The following ZFHX3 variants were observed in gnomAD, a reference collection of about 807,000 sequenced individuals.
The protein encoded by ZFHX3 is zinc finger homeobox 3.
In ZFHX3, 42 loss-of-function variants were observed where a neutral mutation model predicts 279.1. That is an observed-to-expected ratio of 0.15 (90% CI 0.12 to 0.19). ZFHX3 has a LOEUF of 0.19. Among genes scored for constraint, ZFHX3 ranks in the 10% least tolerant of loss-of-function variants. The pLI is 1.00. For missense variants in ZFHX3, 4,981 were observed against 4,754.0 expected (o/e 1.05, Z -1.40); for synonymous variants, 2,293 against 1,957.8 (o/e 1.17, Z -4.52).
intron 3 of ZFHX3, among the ~76,000 whole-genome samples, chr16:73,371,917 G>A (rs1229760111): frequency 6.6e-6 from 1 of 152,180 alleles, no homozygotes; most frequent in East Asian, 1.9e-4. Context: ...CAGTGGCTAT[G>A]AGCCCCCTTC....
Position 73,884,658 on chromosome 16 carries a change from C to T in ZFHX3, c.-1608+6993G>A, listed in dbSNP as rs537059863. Among the ~76,000 whole-genome samples, 7 of 152,178 alleles carry T rather than the reference C, an allele frequency of 4.6e-5. No homozygotes were observed. In the South Asian group the frequency reaches 6.2e-4, roughly 14 times the overall value. The stretch of plus-strand genomic sequence containing the variant: ...AGTGGTGGCTTTCAGAGTCTTTATT[C>T]GCAAAACACAGACATTCCGAAATGC... On this transcript the variant is annotated intron_variant, in intron 1 of 17. Transcript: ENST00000641206.
intron 1 of ZFHX3, among the ~76,000 whole-genome samples, chr16:73,720,623 A>G (rs1300239363): frequency 6.6e-6 from 1 of 152,190 alleles, no homozygotes; most frequent in Non-Finnish European, 1.5e-5. Context: ...ATAAGACTCT[A>G]TGGATATATT....
rs763066767 is a variant in ZFHX3 at position 72,793,532 on chromosome 16, G to C, written c.9150C>G (p.Ser3050=). ...RDHIFSQQHI[S]KVKDTIGSQL... is the part of the protein sequence containing the mutation. Reference sequence around the variant, plus strand: ...GGCTTCCAATGGTGTCTTTAACTTTGGAGATATGCTGTTGGGAAAAGATAT... The same window carrying C: ...GGCTTCCAATGGTGTCTTTAACTTTCGAGATATGCTGTTGGGAAAAGATAT... Residue 3050 remains serine, a synonymous_variant, in exon 9 of 10, where the codon TCC becomes TCG. Coordinates refer to ENST00000268489, the MANE Select transcript of ZFHX3 (RefSeq NM_006885.4). This position sits in a 1 kb window ranked among gnomAD's most constrained non-coding sequence, Gnocchi z 4.3. 2 of 1,614,168 alleles carry C rather than the reference G, an allele frequency of 1.2e-6. No individual in the cohort carries two copies. The highest frequency in any genetic ancestry group is 4.5e-5 in the East Asian group (2 of 44,880).
At chr16:73,678,392 A>T (rs1034763755) in intron 2 of ZFHX3, among the ~76,000 whole-genome samples, 1 of 152,202 alleles carries the variant, frequency 6.6e-6, no homozygotes, top group African/African-American at 2.4e-5. Context: ...ACCTTAAAGA[A>T]TATATACAAA....
intron 5 of ZFHX3, among the ~76,000 whole-genome samples, chr16:73,240,343 C>T (rs947366170): frequency 1.2e-4 from 19 of 152,056 alleles, no homozygotes; most frequent in Middle Eastern, 3.4e-3. Context: ...CTCAGCCTCC[C>T]GAGTAGCTGG....
At chr16:73,075,866 G>A (rs1262080866) in intron 8 of ZFHX3, among the ~76,000 whole-genome samples, 2 of 152,078 alleles carry the variant, frequency 1.3e-5, no homozygotes, top group East Asian at 1.9e-4. Context: ...TCCTGACCTC[G>A]TGATGCGCCT....
intron 5 of ZFHX3, among the ~76,000 whole-genome samples, chr16:73,166,955 A>ACACAC (rs1200746321): frequency 6.6e-6 from 1 of 152,202 alleles, no homozygotes; most frequent in Non-Finnish European, 1.5e-5. Flanking sequence ...ACACAACACA[A>ACACAC]CACACAGCAT....
chr16:73,383,226 T>A (rs534585599), intron 3 of ZFHX3, among the ~76,000 whole-genome samples: 1 of 152,338 alleles, frequency 6.6e-6, no homozygotes, highest in African/African-American at 2.4e-5. Flanking sequence ...AACGACTTGC[T>A]TCTCCTCAGC....
intron 2 of ZFHX3, among the ~76,000 whole-genome samples, chr16:73,539,468 G>T (rs2019973446): frequency 1.3e-5 from 1 of 77,986 alleles, no homozygotes. Context: ...TTTTTATAAG[G>T]CCTCTGGCCT....
At chr16:72,885,448 C>G (rs2038599963) in intron 4 of ZFHX3, among the ~76,000 whole-genome samples, 1 of 152,250 alleles carries the variant, frequency 6.6e-6, no homozygotes, top group South Asian at 2.1e-4. Context: ...ACTCCTTCCT[C>G]CAGACCCACA....
intron 1 of ZFHX3, among the ~76,000 whole-genome samples, chr16:73,833,374 A>G (rs1175685764): frequency 3.3e-5 from 5 of 152,194 alleles, no homozygotes; most frequent in Admixed American, 6.5e-5. Flanking sequence ...ATTATTTAGA[A>G]TAAGTTATCA....
chr16:72,907,973 G>A (rs182631994), intron 3 of ZFHX3, among the ~76,000 whole-genome samples: 11 of 152,088 alleles, frequency 7.2e-5, no homozygotes, highest in South Asian at 4.2e-4. Context: ...ATTAGCCACC[G>A]TGCCCAGCCC....
rs974279133 is a variant in ZFHX3, at chr16:72,788,944, G to C, written c.9428-96C>G. The C allele has an allele frequency of 8.1e-6, 12 of 1,477,818 alleles. No homozygotes were observed. The East Asian group carries it at 2.8e-4, about 34-fold the overall frequency. 91.5% of individuals were successfully genotyped at this position (1,477,818 alleles called of 1,614,324 possible). A position where few individuals can be genotyped will look rare whatever the true frequency, so the allele number is the denominator to read the frequency against. On this transcript the variant is annotated intron_variant, in intron 9 of 9. Coordinates refer to ENST00000268489, the MANE Select transcript of ZFHX3 (RefSeq NM_006885.4). ...CCGGTGTCACTGGCACACAGTTTGA[G>C]ATGTCAAGGCTTGAAGGATCCTCTC...
intron 2 of ZFHX3, among the ~76,000 whole-genome samples, chr16:73,492,257 C>T (rs1235616925): frequency 6.6e-6 from 1 of 152,188 alleles, no homozygotes; most frequent in African/African-American, 2.4e-5. Flanking sequence ...ACAAGCCACT[C>T]CTGACTCCTC....
intron 3 of ZFHX3, among the ~76,000 whole-genome samples, chr16:73,406,031 C>T (rs1597322076): frequency 6.6e-6 from 1 of 152,230 alleles, no homozygotes; most frequent in Admixed American, 6.5e-5. Context: ...GGGGCACACG[C>T]CGGGTAGAGG....
chr16:73,248,651 G>GTC (rs1567429961), intron 5 of ZFHX3, among the ~76,000 whole-genome samples: 2 of 151,546 alleles, frequency 1.3e-5, no homozygotes, highest in African/African-American at 4.9e-5. Flanking sequence ...ATGTATGTGT[G>GTC]TGTGTGTGTG....
At chr16:73,333,550 C>T (rs781528030) in intron 3 of ZFHX3, among the ~76,000 whole-genome samples, 1 of 152,066 alleles carries the variant, frequency 6.6e-6, no homozygotes, top group Admixed American at 6.5e-5. Flanking sequence ...TGATTATAAT[C>T]TTGTTGAAGA....
Position 73,567,791 on chromosome 16 carries a change from G to T in ZFHX3, c.-1546-111533C>A, listed in dbSNP as rs2020471220. Among the ~76,000 whole-genome samples the T allele has an allele frequency of 2.0e-5, 3 of 152,238 alleles. No homozygotes were observed. The South Asian group carries it at 6.2e-4, about 32-fold the overall frequency. ...CTTCATGTCAACAGGCAACAATATT[G>T]TATACCTTCGAATTTTTCAATAACG... On this transcript the variant is annotated intron_variant, in intron 2 of 17. Transcript: ENST00000641206.
chr16:73,111,854 A>T (rs1215886023), intron 7 of ZFHX3, among the ~76,000 whole-genome samples: 1 of 152,286 alleles, frequency 6.6e-6, no homozygotes, highest in Non-Finnish European at 1.5e-5. Flanking sequence ...AACTCCAAGA[A>T]GCATTTCTTG....
Sources: allele counts gnomAD v4.1 joint callset (sites outside exome capture counted in the v4.1 genomes callset), GRCh38; gene constraint gnomAD v4.1.1; non-coding constraint Gnocchi (gnomAD v3.1); transcripts MANE v1.5; gene names NCBI Gene and HGNC (gene_info 2026-07-23, HGNC 2026-07-21).